SAMMSON: variants seen among roughly 807,000 people sequenced by gnomAD.
The protein encoded by SAMMSON is long intergenic non-protein coding RNA 1212.
At chr3:70,127,091 A>C (rs1272694456) in intron 4 of SAMMSON, 1 of 152,190 alleles carries the variant, frequency 6.6e-6, no homozygotes, top group African/African-American at 2.4e-5. Flanking sequence ...TATTATACTT[A>C]TGTGAACGAA....
At chr3:70,053,675 A>G (rs555947674) in intron 3 of SAMMSON, among the ~76,000 whole-genome samples, 1 of 152,290 alleles carries the variant, frequency 6.6e-6, no homozygotes, top group South Asian at 2.1e-4. Flanking sequence ...GAATTAGTTC[A>G]GTTAATTCCC....
chr3:70,044,685 C>T (rs2067117566), intron 3 of SAMMSON, among the ~76,000 whole-genome samples: 1 of 151,634 alleles, frequency 6.6e-6, no homozygotes, highest in African/African-American at 2.4e-5. Flanking sequence ...CACACACATG[C>T]ACAAATAAAA....
intron 4 of SAMMSON, among the ~76,000 whole-genome samples, chr3:70,236,972 CAT>C (rs1187283341): frequency 6.6e-6 from 1 of 152,162 alleles, no homozygotes; most frequent in Non-Finnish European, 1.5e-5. Flanking sequence ...TGTGAAAAAT[CAT>C]AGCTTAAGCA....
At chr3:70,378,432 A>T (rs1268136041) in intron 9 of SAMMSON, among the ~76,000 whole-genome samples, 3 of 152,098 alleles carry the variant, frequency 2.0e-5, no homozygotes, top group Non-Finnish European at 2.9e-5. Context: ...GGGAATTTAC[A>T]CTTATCAATT....
intron 7 of SAMMSON, among the ~76,000 whole-genome samples, chr3:70,322,531 G>T (rs897641801): frequency 1.3e-5 from 2 of 152,008 alleles, no homozygotes; most frequent in African/African-American, 4.8e-5. Context: ...ACATTTTTTT[G>T]TAACCCAGGA....
At chr3:70,132,770 T>TA (rs79327577) in intron 4 of SAMMSON, among the ~76,000 whole-genome samples, 77 of 93,334 alleles carry the variant, frequency 8.2e-4, no homozygotes, top group Middle Eastern at 6.3e-3. Flanking sequence ...GATGAGACCC[T>TA]AAAAAAAAAA....
At chr3:70,234,593 C>G (rs1701590218) in intron 4 of SAMMSON, among the ~76,000 whole-genome samples, 1 of 151,130 alleles carries the variant, frequency 6.6e-6, no homozygotes, top group African/African-American at 2.4e-5. Context: ...TGAGCCATGA[C>G]TATGCCACTG....
intron 4 of SAMMSON, among the ~76,000 whole-genome samples, chr3:70,237,200 T>C (rs1701618561): frequency 1.3e-5 from 2 of 152,230 alleles, no homozygotes; most frequent in East Asian, 1.9e-4. Flanking sequence ...GCTATATTTT[T>C]CCCTTTGTTA....
chr3:70,276,049 AG>A (rs1702022245), intron 6 of SAMMSON, among the ~76,000 whole-genome samples: 1 of 152,160 alleles, frequency 6.6e-6, no homozygotes, highest in Non-Finnish European at 1.5e-5. Flanking sequence ...TTTAAAAAAA[AG>A]TATATATACT....
intron 4 of SAMMSON, among the ~76,000 whole-genome samples, chr3:70,146,556 A>G (rs2067550027): frequency 6.6e-6 from 1 of 152,090 alleles, no homozygotes; most frequent in Admixed American, 6.6e-5. Flanking sequence ...CCTAAATAAG[A>G]AAATCCACAT....
rs568464612 is a variant in SAMMSON at position 70,063,192 on chromosome 3, C to A, written n.418-8284C>A. Among the ~76,000 whole-genome samples, 5 of 146,842 alleles carry A rather than the reference C, an allele frequency of 3.4e-5. 1 individual carries two copies. Among genetic ancestry groups the A allele is most frequent in the African/African-American group, 1.3e-4 (5 of 39,972 alleles). ...CTTGATTAATGCTAGAGCCTTTTAT[C>A]TCACTGCTTCGTACCTTTTCCCTCA... On this transcript the variant is annotated intron_variant and non_coding_transcript_variant, in intron 3 of 9. Coordinates refer to ENST00000642114, the Ensembl canonical transcript of SAMMSON.
rs2066923349 is a variant in SAMMSON, at chr3:70,005,527, A to G, written n.22+5660A>G. 2.6e-5 allele frequency among the ~76,000 whole-genome samples: 4 copies of G among 152,152 alleles called. No individual in the cohort carries two copies. The South Asian group carries it at 8.3e-4, about 31-fold the overall frequency. ...ATCTGGCTTTCTACATTCAAAGTGG[A>G]AGCTCTTAAAGGCCTCTTGAAGACC... On this transcript the variant is annotated intron_variant and non_coding_transcript_variant, in intron 1 of 9. Transcript: ENST00000642114.
chr3:70,135,500 C>A lies in SAMMSON; in HGVS notation n.507+63935C>A, dbSNP rs1036009505. 2.0e-5 allele frequency among the ~76,000 whole-genome samples: 3 copies of A among 152,026 alleles called. No homozygotes were observed. The South Asian group carries it at 6.2e-4, about 32-fold the overall frequency. ...AAAGGCAACTTAGAGAGCAGAAATA[C>A]CTTAATGCAAGCCGGAAAAAAACAG... On this transcript the variant is annotated intron_variant and non_coding_transcript_variant, in intron 4 of 9. Coordinates refer to ENST00000642114, the Ensembl canonical transcript of SAMMSON.
intron 4 of SAMMSON, among the ~76,000 whole-genome samples, chr3:70,086,064 C>T (rs75127289): frequency 2.0e-5 from 3 of 152,298 alleles, no homozygotes; most frequent in Non-Finnish European, 4.4e-5. Context: ...GTATTATTTC[C>T]AAACACCTTT....
intron 4 of SAMMSON, among the ~76,000 whole-genome samples, chr3:70,231,006 C>T (rs2106744420): frequency 6.6e-6 from 1 of 152,304 alleles, no homozygotes; most frequent in Admixed American, 6.5e-5. Context: ...CCTCCAGGGC[C>T]TAGCAGCCCT....
chr3:70,011,766 A>G (rs2066957002), intron 1 of SAMMSON, among the ~76,000 whole-genome samples: 1 of 152,132 alleles, frequency 6.6e-6, no homozygotes, highest in Non-Finnish European at 1.5e-5. Context: ...GAATCCAAGA[A>G]CACAGGCTCT....
downstream of SAMMSON, among the ~76,000 whole-genome samples, chr3:70,393,886 T>C (rs1458192768): frequency 1.3e-5 from 2 of 152,128 alleles, no homozygotes; most frequent in Non-Finnish European, 2.9e-5. Context: ...GGAAGGATCA[T>C]TTATGCATTT....
chr3:70,095,867 G>A (rs531355958), intron 4 of SAMMSON: 8 of 152,250 alleles, frequency 5.3e-5, no homozygotes, highest in African/African-American at 1.4e-4. Context: ...CTAATTTGAC[G>A]TATGGTTGCA....
At chr3:70,093,995 C>T (rs1429200248) in intron 4 of SAMMSON, among the ~76,000 whole-genome samples, 2 of 152,094 alleles carry the variant, frequency 1.3e-5, no homozygotes, top group South Asian at 4.1e-4. Context: ...ATATGGGGAA[C>T]CAAAAACCTG....
Sources: gnomAD v4.1 joint callset for allele counts (sites outside exome capture counted in the v4.1 genomes callset) on GRCh38, gnomAD v4.1.1 for gene constraint, MANE v1.5 for transcripts, NCBI Gene and HGNC (gene_info 2026-07-23, HGNC 2026-07-21) for gene names.